GLRA1: variants seen among roughly 807,000 people sequenced by gnomAD.
The protein encoded by GLRA1 is glycine receptor subunit alpha-1.
A neutral mutation model predicts 48.3 loss-of-function variants in GLRA1; 37 were observed. The ratio of observed to expected loss-of-function variants is 0.77; its 90% CI spans 0.59 to 1.01. The LOEUF (loss-of-function observed/expected upper bound fraction) is 1.01, where lower values mean the gene tolerates loss of function less well. GLRA1 is among the 50% of genes least tolerant of loss of function. GLRA1 has a pLI of 0.00. For synonymous variants in GLRA1, 196 were observed against 210.7 expected (o/e 0.93, Z 0.60); for missense variants, 427 against 571.0 (o/e 0.75, Z 2.57).
intron 3 of GLRA1, chr5:151,875,604 C>T (rs1753606736): frequency 6.6e-6 from 1 of 152,202 alleles, no homozygotes; most frequent in Admixed American, 6.5e-5. Context: ...TGGACAAATC[C>T]TCCCATCCAA....
At chr5:151,849,452 T>TTTC (rs1752829380) in intron 7 of GLRA1, among the ~76,000 whole-genome samples, 1 of 15,654 alleles carries the variant, frequency 6.4e-5, no homozygotes, top group Non-Finnish European at 1.1e-4. Flanking sequence ...TTTCCTTTCC[T>TTTC]TTCCTTCCTT....
At chr5:151,883,942 G>A (rs936754872) in intron 3 of GLRA1, among the ~76,000 whole-genome samples, 1 of 152,134 alleles carries the variant, frequency 6.6e-6, no homozygotes, top group Non-Finnish European at 1.5e-5. Flanking sequence ...TGGGAAATGG[G>A]GGGTGAGGGT....
At chr5:151,823,436 C>A (rs1763193601) in intron 8 of GLRA1, among the ~76,000 whole-genome samples, 1 of 152,144 alleles carries the variant, frequency 6.6e-6, no homozygotes, top group Non-Finnish European at 1.5e-5. Context: ...GGACAGATCC[C>A]CTGCTTTGCC....
At chr5:151,879,063 A>C (rs367710670) in intron 3 of GLRA1, among the ~76,000 whole-genome samples, 18 of 152,372 alleles carry the variant, frequency 1.2e-4, no homozygotes, top group African/African-American at 3.8e-4. Context: ...CTATGAAAGC[A>C]GCCAGGAGGG....
chr5:151,859,534 T>G lies in GLRA1; in HGVS notation c.476+251A>C, dbSNP rs140874399. On this transcript the variant is annotated intron_variant, in intron 4 of 8. Transcript: ENST00000274576. ...AAATGCTGAGTAACTTCAACCCCAC[T>G]TTCTCTAGGATGGCTTTCTTAGTCT... 1.1e-3 allele frequency among the ~76,000 whole-genome samples: 163 copies of G among 152,352 alleles called. 1 individual carries two copies. The highest frequency in any genetic ancestry group is 1.3e-4 in the Non-Finnish European group (9 of 68,030).
At chr5:151,860,798 A>G (rs1210615021) in intron 3 of GLRA1, among the ~76,000 whole-genome samples, 1 of 152,142 alleles carries the variant, frequency 6.6e-6, no homozygotes, top group African/African-American at 2.4e-5. Context: ...ACATATGTAT[A>G]CATGTGCCAT....
At chr5:151,917,519 A>G (rs1291174121) in intron 1 of GLRA1, among the ~76,000 whole-genome samples, 1 of 152,248 alleles carries the variant, frequency 6.6e-6, no homozygotes, top group African/African-American at 2.4e-5. Flanking sequence ...AGACAAGTAT[A>G]TACTCATGAA....
chr5:151,842,378 A>G (rs558582479), intron 7 of GLRA1, among the ~76,000 whole-genome samples: 1 of 152,234 alleles, frequency 6.6e-6, no homozygotes, highest in South Asian at 2.1e-4. Flanking sequence ...ACACTAGCAA[A>G]CCAAATCCAG....
chr5:151,892,216 C>T, intron 2 of GLRA1, 95 bp downstream of exon 2: 2 of 1,129,182 alleles, frequency 1.8e-6, no homozygotes, highest in South Asian at 1.2e-5. Flanking sequence ...GGGATTCACA[C>T]TGCGTATTTA....
chr5:151,891,846 T>C (rs958146242), intron 2 of GLRA1, among the ~76,000 whole-genome samples: 1 of 152,112 alleles, frequency 6.6e-6, no homozygotes, highest in Non-Finnish European at 1.5e-5. Context: ...TGCTTCTCCT[T>C]TGGGGGCACC....
intron 1 of GLRA1, among the ~76,000 whole-genome samples, chr5:151,895,405 G>A (rs1278315371): frequency 1.3e-5 from 2 of 152,158 alleles, no homozygotes; most frequent in Non-Finnish European, 2.9e-5. Flanking sequence ...GTGCAAAAGA[G>A]TGAAAAGAAC....
chr5:151,917,302 T>A (rs1263331029), intron 1 of GLRA1, among the ~76,000 whole-genome samples: 2 of 152,192 alleles, frequency 1.3e-5, no homozygotes, highest in East Asian at 3.8e-4. Flanking sequence ...CCTCAGGTGA[T>A]CCTGGACACT....
intron 3 of GLRA1, among the ~76,000 whole-genome samples, chr5:151,871,143 C>T (rs1468621804): frequency 6.7e-6 from 1 of 149,494 alleles, no homozygotes; most frequent in African/African-American, 2.6e-5. Context: ...AATGGCATTT[C>T]TGAGGGCTTT....
chr5:151,857,841 C>G (rs1329936384), intron 4 of GLRA1, among the ~76,000 whole-genome samples: 1 of 152,220 alleles, frequency 6.6e-6, no homozygotes, highest in Non-Finnish European at 1.5e-5. Context: ...AGAAGAAAGG[C>G]TTTCAGAGCC....
intron 3 of GLRA1, among the ~76,000 whole-genome samples, chr5:151,870,952 A>G (rs1429114593): frequency 6.7e-6 from 1 of 149,820 alleles, no homozygotes; most frequent in African/African-American, 2.6e-5. Flanking sequence ...TCCCCACTTC[A>G]GTCATTCGTG....
At chr5:151,910,761 CACCTTG>C (rs1434390520) in intron 1 of GLRA1, among the ~76,000 whole-genome samples, 1 of 152,178 alleles carries the variant, frequency 6.6e-6, no homozygotes, top group Admixed American at 6.5e-5. Context: ...AAAGTGTAGG[CACCTTG>C]AGGGTGGAGT....
At chr5:151,837,055 TG>T (rs1479186568) in intron 7 of GLRA1, among the ~76,000 whole-genome samples, 1 of 152,206 alleles carries the variant, frequency 6.6e-6, no homozygotes, top group African/African-American at 2.4e-5. Context: ...AGAAAATTTT[TG>T]CAATCTATCC....
chr5:151,822,731 T>A lies in GLRA1; in HGVS notation c.1292A>T (p.Asn431Ile). Residue 431 changes from asparagine (N) to isoleucine (I), a missense_variant, in exon 9 of 9, where the codon AAC becomes ATC. By Grantham distance (149) the Asn-to-Ile change is moderately radical (BLOSUM62 -3). Around this residue, in one of 4 missense-constraint regions of GLRA1, gnomAD observed 121 missense variants for 96.5 expected, o/e 1.25. Transcript: ENST00000274576. Reference sequence around the variant, plus strand: ...CTTGTAGATGATCCAGTAGAACATGTTGAAAATGAGGAAGGCCATGGGGAA... The same window carrying A: ...CTTGTAGATGATCCAGTAGAACATGATGAAAATGAGGAAGGCCATGGGGAA... Reference protein sequence around the residue: ...IGFPMAFLIFNMFYWIIYKIV... With the variant: ...IGFPMAFLIFIMFYWIIYKIV... The A allele has an allele frequency of 6.2e-7, 1 of 1,613,896 alleles. No individual in the cohort carries two copies.
chr5:151,919,241 T>C (rs1581668551), intron 1 of GLRA1, among the ~76,000 whole-genome samples: 3 of 152,180 alleles, frequency 2.0e-5, no homozygotes, highest in South Asian at 4.1e-4. Context: ...TAATGATGAA[T>C]GGTATCTGGT....
Sources: gnomAD v4.1 joint callset for allele counts (sites outside exome capture counted in the v4.1 genomes callset) on GRCh38, gnomAD v4.1.1 for gene constraint, gnomAD v4.1.1 regional missense constraint, MANE v1.5 for transcripts, NCBI Gene and HGNC (gene_info 2026-07-23, HGNC 2026-07-21) for gene names.